The following SPIDR variants were observed in gnomAD, a reference collection of about 807,000 sequenced individuals.
SPIDR encodes the protein DNA repair-scaffolding protein.
In SPIDR, 93 loss-of-function variants were observed where a neutral mutation model predicts 104.6. The ratio of observed to expected loss-of-function variants is 0.89; its 90% confidence interval spans 0.75 to 1.06. SPIDR has a LOEUF of 1.06. SPIDR is among the 50% of genes least tolerant of loss of function. The pLI is 0.00. For synonymous variants in SPIDR, 431 were observed against 416.9 expected (o/e 1.03, Z -0.41); for missense variants, 1,154 against 1,111.2 (o/e 1.04, Z -0.55).
chr8:47,291,255 T>C (rs1471125996), intron 4 of SPIDR, 118 bp downstream of exon 4: 3 of 585,278 alleles, frequency 5.1e-6, no homozygotes, highest in Admixed American at 3.3e-5. Context: ...CTGTTAAATA[T>C]TGGATTTAAT....
At chr8:47,543,613 A>G (rs1211217845) in intron 8 of SPIDR, among the ~76,000 whole-genome samples, 1 of 152,230 alleles carries the variant, frequency 6.6e-6, no homozygotes, top group Non-Finnish European at 1.5e-5. Flanking sequence ...AGAAGGAGTC[A>G]TGAAGATTTA....
intron 5 of SPIDR, among the ~76,000 whole-genome samples, chr8:47,307,634 G>A (rs587638675): frequency 6.7e-6 from 1 of 150,350 alleles, no homozygotes; most frequent in East Asian, 2.0e-4. Flanking sequence ...TGCCTCCCGG[G>A]TTCAAGCGAT....
At chr8:47,619,160 T>C (rs1192090083) in intron 10 of SPIDR, among the ~76,000 whole-genome samples, 1 of 152,218 alleles carries the variant, frequency 6.6e-6, no homozygotes, top group Non-Finnish European at 1.5e-5. Context: ...GATTTGTTAA[T>C]GATTAAGTTG....
rs188590418 is a variant in SPIDR at position 47,487,397 on chromosome 8, A to G, written c.1097+46855A>G. Among the ~76,000 whole-genome samples, 133 of 152,254 alleles carry G rather than the reference A, an allele frequency of 8.7e-4. 1 individual carries two copies. The highest frequency in any genetic ancestry group is 3.1e-3 in the African/African-American group (127 of 41,548). ...ACAAAGAGACTTAGACTCCCACACA[A>G]TAATAATGGGAGACTTTAACACCCC... On this transcript the variant is annotated intron_variant, in intron 8 of 19. Transcript: ENST00000297423.
At chr8:47,398,403 T>G (rs1186984857) in intron 6 of SPIDR, among the ~76,000 whole-genome samples, 1 of 151,566 alleles carries the variant, frequency 6.6e-6, no homozygotes, top group Admixed American at 6.6e-5. Context: ...AGAAGTAAAA[T>G]AGATGTCAAC....
intron 7 of SPIDR, among the ~76,000 whole-genome samples, chr8:47,417,683 C>T (rs1203417601): frequency 4.6e-5 from 7 of 152,302 alleles, no homozygotes; most frequent in Admixed American, 1.3e-4. Context: ...GTGTTTTAGA[C>T]GTGAAGTCCT....
At chr8:47,267,918 G>A (rs1270809130) in intron 1 of SPIDR, among the ~76,000 whole-genome samples, 1 of 152,046 alleles carries the variant, frequency 6.6e-6, no homozygotes, top group Non-Finnish European at 1.5e-5. Context: ...CCTAAACCAA[G>A]GTCACAAAGA....
intron 8 of SPIDR, among the ~76,000 whole-genome samples, chr8:47,588,028 T>C (rs1415196922): frequency 0.073 from 101 of 1,378 alleles, 1 homozygote; most frequent in South Asian, 0.15. Context: ...AAAATTAGCA[T>C]ATATATATAT....
At chr8:47,696,190 C>T (rs2079308726) in intron 11 of SPIDR, among the ~76,000 whole-genome samples, 1 of 152,246 alleles carries the variant, frequency 6.6e-6, no homozygotes, top group Non-Finnish European at 1.5e-5. Flanking sequence ...TTTGACATCA[C>T]TTCCGACTCT....
intron 5 of SPIDR, among the ~76,000 whole-genome samples, chr8:47,368,016 G>C (rs2057449809): frequency 6.6e-6 from 1 of 152,110 alleles, no homozygotes. Flanking sequence ...ATTTCTCACA[G>C]TTCTGGAGGC....
At chr8:47,467,808 G>A (rs1295374210) in intron 8 of SPIDR, among the ~76,000 whole-genome samples, 1 of 152,186 alleles carries the variant, frequency 6.6e-6, no homozygotes, top group Non-Finnish European at 1.5e-5. Context: ...AGACAAGGAT[G>A]CCCTCTCTCA....
chr8:47,671,014 A>G (rs937254784), intron 10 of SPIDR, among the ~76,000 whole-genome samples: 1 of 151,968 alleles, frequency 6.6e-6, no homozygotes, highest in Non-Finnish European at 1.5e-5. Flanking sequence ...GGCTCAAGGG[A>G]TCCTCCCACC....
rs569100154 is a variant in SPIDR at position 47,537,429 on chromosome 8, C to A, written c.1098-58382C>A. On this transcript the variant is annotated intron_variant, in intron 8 of 19. Transcript: ENST00000297423. ...AAGCCATGAAAAAACATAGAGGAAC[C>A]TTAAATGCATATTGCTAAGTGAAAG... is the stretch of plus-strand genomic sequence containing the variant. 2.0e-5 allele frequency among the ~76,000 whole-genome samples: 3 copies of A among 152,214 alleles called. No homozygotes were observed. The East Asian group carries it at 5.8e-4, about 29-fold the overall frequency.
At position 47,554,869 on chromosome 8, in the gene SPIDR, A is replaced by T. The variant is rs148839846; in HGVS notation, c.1098-40942A>T. Among the ~76,000 whole-genome samples the T allele has an allele frequency of 2.8e-3, 425 of 152,306 alleles. 2 individuals are homozygous for T. Among genetic ancestry groups the T allele is most frequent in the African/African-American group, 9.7e-3 (403 of 41,568 alleles). ...AGACTGGAGCTGTTCCTATTCAGCC[A>T]TCTTGGAACCTCCTCTCTTCTTTGT... On this transcript the variant is annotated intron_variant, in intron 8 of 19. Transcript: ENST00000297423.
chr8:47,530,893 T>C (rs2085873369), intron 8 of SPIDR, among the ~76,000 whole-genome samples: 1 of 152,056 alleles, frequency 6.6e-6, no homozygotes, highest in East Asian at 1.9e-4. Flanking sequence ...TATTCTAAAA[T>C]TTTTTTCTAT....
In SPIDR at chr8:47,459,678, G is replaced by T. The variant is rs560662651; in HGVS notation, c.1097+19136G>T. On this transcript the variant is annotated intron_variant, in intron 8 of 19. Transcript: ENST00000297423. ...TCCTTTCTTCTGCTGGTTTGGGTTT[G>T]GTTTGTTGTTGTTTCTCTAGTTCCT... 5.3e-5 allele frequency among the ~76,000 whole-genome samples: 8 copies of T among 151,896 alleles called. No individual in the cohort carries two copies. In the South Asian group the frequency reaches 1.7e-3, roughly 32 times the overall value.
intron 10 of SPIDR, among the ~76,000 whole-genome samples, chr8:47,610,838 A>G (rs2063513044): frequency 1.3e-5 from 2 of 152,274 alleles, no homozygotes; most frequent in African/African-American, 4.8e-5. Context: ...TTGCACAGAT[A>G]CAAAAGACAG....
At chr8:47,582,269 A>T (rs2059789184) in intron 8 of SPIDR, among the ~76,000 whole-genome samples, 1 of 152,094 alleles carries the variant, frequency 6.6e-6, no homozygotes, top group Admixed American at 6.6e-5. Flanking sequence ...AGTAATCTAC[A>T]TGTTAGTTAC....
chr8:47,437,148 G>A (rs1032750567), intron 7 of SPIDR, among the ~76,000 whole-genome samples: 14 of 151,912 alleles, frequency 9.2e-5, no homozygotes, highest in Non-Finnish European at 1.8e-4. Context: ...CATTGTGCAG[G>A]TTAGTTACAT....
Sources: allele counts gnomAD v4.1 joint callset (sites outside exome capture counted in the v4.1 genomes callset), GRCh38; gene constraint gnomAD v4.1.1; transcripts MANE v1.5; gene names NCBI Gene and HGNC (gene_info 2026-07-23, HGNC 2026-07-21).